NEDD4L: variants seen among roughly 807,000 people sequenced by gnomAD.
NEDD4L encodes the protein E3 ubiquitin-protein ligase NEDD4-like.
NEDD4L carries 54 observed loss-of-function variants against 148.9 expected under a neutral mutation model. That is an observed-to-expected ratio of 0.36 (90% CI 0.29 to 0.45). The LOEUF (loss-of-function observed/expected upper bound fraction) is 0.45. Among genes scored for constraint, NEDD4L ranks in the 20% least tolerant of loss-of-function variants. The pLI, the probability that NEDD4L is intolerant of heterozygous loss-of-function variation, is 1.00. For synonymous variants in NEDD4L, 433 were observed against 440.7 expected, an observed-to-expected ratio of 0.98 and a Z score of 0.22; for missense variants, 856 against 1,233.8, an observed-to-expected ratio of 0.69 and a Z score of 4.59.
chr18:58,261,504 T>C (rs2049378526), intron 5 of NEDD4L, among the ~76,000 whole-genome samples: 1 of 152,202 alleles, frequency 6.6e-6, no homozygotes, highest in South Asian at 2.1e-4. Context: ...AGAGTTTTCA[T>C]AAATGGTGCA....
intron 2 of NEDD4L, among the ~76,000 whole-genome samples, chr18:58,166,637 G>A (rs368494239): frequency 2.0e-5 from 3 of 152,204 alleles, no homozygotes; most frequent in Non-Finnish European, 2.9e-5. Context: ...TAAACTACCC[G>A]TGCAGGTCAC....
chr18:58,368,304 C>A (rs1026434653), intron 22 of NEDD4L, among the ~76,000 whole-genome samples: 2 of 152,128 alleles, frequency 1.3e-5, no homozygotes, highest in Non-Finnish European at 2.9e-5. Flanking sequence ...TACTGCTTAG[C>A]TAAGACATTA....
At chr18:58,093,381 A>G (rs760799827) in intron 1 of NEDD4L, among the ~76,000 whole-genome samples, 8 of 152,216 alleles carry the variant, frequency 5.3e-5, no homozygotes, top group Non-Finnish European at 8.8e-5. Flanking sequence ...ATTCTCATTC[A>G]GCCTCTCAAG....
chr18:58,391,270 G>A (rs1031819939), intron 29 of NEDD4L, among the ~76,000 whole-genome samples: 2 of 152,202 alleles, frequency 1.3e-5, no homozygotes, highest in Non-Finnish European at 2.9e-5. Flanking sequence ...TCTTGGTGCA[G>A]TTCCATTCTG....
At chr18:58,235,316 T>C (rs999267143) in intron 2 of NEDD4L, among the ~76,000 whole-genome samples, 1 of 152,182 alleles carries the variant, frequency 6.6e-6, no homozygotes, top group Admixed American at 6.5e-5. Context: ...AGTGTCTCCC[T>C]TGGCTAGACC....
intron 1 of NEDD4L, among the ~76,000 whole-genome samples, chr18:58,118,213 A>G (rs1002611914): frequency 6.6e-5 from 10 of 152,376 alleles, no homozygotes; most frequent in South Asian, 2.1e-4. Flanking sequence ...CTTTGTGAAC[A>G]CATGGTTATC....
chr18:58,172,845 T>C (rs1488863218), intron 2 of NEDD4L, among the ~76,000 whole-genome samples: 1 of 152,236 alleles, frequency 6.6e-6, no homozygotes, highest in African/African-American at 2.4e-5. Context: ...TGACTTCTGA[T>C]GCTATGCTCA....
intron 2 of NEDD4L, among the ~76,000 whole-genome samples, chr18:58,176,303 C>T (rs1375205211): frequency 6.6e-6 from 1 of 151,992 alleles, no homozygotes; most frequent in African/African-American, 2.4e-5. Context: ...CTCCTTCCTT[C>T]CTTGCTTCAT....
chr18:58,090,769 C>T (rs558840607), intron 1 of NEDD4L: 1 of 152,392 alleles, frequency 6.6e-6, no homozygotes, highest in South Asian at 2.1e-4. Context: ...CGAGCCAATG[C>T]ACCTGGCCAC....
At chr18:58,226,136 GA>G (rs1211904359) in intron 2 of NEDD4L, among the ~76,000 whole-genome samples, 4 of 151,964 alleles carry the variant, frequency 2.6e-5, no homozygotes, top group Admixed American at 1.3e-4. Flanking sequence ...ATATTTCCTG[GA>G]AAAAAATATT....
intron 13 of NEDD4L, 194 bp from the exon 14 acceptor site, chr18:58,340,844 G>A: frequency 3.5e-6 from 2 of 573,946 alleles, no homozygotes; most frequent in Non-Finnish European, 5.9e-6. Context: ...AACTGTATGG[G>A]GTTCATTTCA....
intron 5 of NEDD4L, among the ~76,000 whole-genome samples, chr18:58,294,046 T>G (rs1269033006): frequency 6.6e-6 from 1 of 152,206 alleles, no homozygotes; most frequent in Non-Finnish European, 1.5e-5. Context: ...ATTAGGAAGT[T>G]TCCCACATAC....
At chr18:58,284,075 C>T (rs1386093165) in intron 5 of NEDD4L, among the ~76,000 whole-genome samples, 3 of 152,194 alleles carry the variant, frequency 2.0e-5, no homozygotes, top group African/African-American at 7.2e-5. Flanking sequence ...GAAGGAACCA[C>T]CCTGCCCATA....
chr18:58,162,365 G>A (rs1233338486), intron 1 of NEDD4L, among the ~76,000 whole-genome samples: 1 of 151,842 alleles, frequency 6.6e-6, no homozygotes, highest in Non-Finnish European at 1.5e-5. Flanking sequence ...CCATCAAACG[G>A]GGCTTGCTGT....
chr18:58,171,750 G>A (rs1401549204), intron 2 of NEDD4L, among the ~76,000 whole-genome samples: 2 of 152,214 alleles, frequency 1.3e-5, no homozygotes, highest in Admixed American at 6.5e-5. Flanking sequence ...TCTCTCCCAA[G>A]CATCTAGGAG....
At chr18:58,047,561 AT>A (rs2081644097) in intron 1 of NEDD4L, 7 of 959,962 alleles carry the variant, frequency 7.3e-6, no homozygotes, top group Non-Finnish European at 8.7e-6. Flanking sequence ...GTGCTGTTTA[AT>A]TTTTTCTGTG....
chr18:58,325,296 TC>T, intron 9 of NEDD4L, 134 bp downstream of exon 9: 1 of 1,035,204 alleles, frequency 9.7e-7, no homozygotes, highest in Non-Finnish European at 1.4e-6. Flanking sequence ...GGTACGAGAT[TC>T]CTCTCCATTT....
chr18:58,082,102 A>ATATATATTTTTTTTTTTTTTT, intron 1 of NEDD4L, among the ~76,000 whole-genome samples: 9 of 48,828 alleles, frequency 1.8e-4, no homozygotes, highest in East Asian at 6.1e-4. Context: ...ATATATATAT[A>ATATATATTTTTTTTTTTTTTT]TTTTTTTTTT....
chr18:58,286,201 G>A (rs567172049), intron 5 of NEDD4L, among the ~76,000 whole-genome samples: 7 of 152,224 alleles, frequency 4.6e-5, no homozygotes, highest in South Asian at 2.1e-4. Context: ...TGTAAACGTC[G>A]AATGAGCACT....
Sources: allele counts gnomAD v4.1 joint callset (sites outside exome capture counted in the v4.1 genomes callset), GRCh38; gene constraint gnomAD v4.1.1; transcripts MANE v1.5; gene names NCBI Gene and HGNC (gene_info 2026-07-23, HGNC 2026-07-21).